Variants in TOP6BL observed in about 807,000 individuals in gnomAD.
TOP6BL encodes the protein type 2 DNA topoisomerase 6 subunit B-like.
the TOP6BL span, among the ~76,000 whole-genome samples, chr11:66,769,430 GA>G: frequency 2.0e-5 from 3 of 147,816 alleles, no homozygotes; most frequent in African/African-American, 7.5e-5. Flanking sequence ...CTAAGAAAGT[GA>G]AAAGATCAAT....
chr11:66,804,348 T>G, the TOP6BL span, among the ~76,000 whole-genome samples: 1 of 152,250 alleles, frequency 6.6e-6, no homozygotes, highest in African/African-American at 2.4e-5. Flanking sequence ...TTGAAAATTT[T>G]GCCAGGGAAC....
the TOP6BL span, among the ~76,000 whole-genome samples, chr11:66,749,842 G>T: frequency 6.6e-6 from 1 of 152,002 alleles, no homozygotes; most frequent in Admixed American, 6.6e-5. Flanking sequence ...CCTCCCAAAG[G>T]GCTGGGATTA....
the TOP6BL span, among the ~76,000 whole-genome samples, chr11:66,841,965 C>T: frequency 1.3e-5 from 2 of 152,274 alleles, no homozygotes; most frequent in African/African-American, 4.8e-5. Context: ...GTAATACCGT[C>T]ACTTTGGGGA....
At chr11:66,748,871 CAAAAAA>C in the TOP6BL span, among the ~76,000 whole-genome samples, 1 of 56,228 alleles carries the variant, frequency 1.8e-5, no homozygotes, top group African/African-American at 6.3e-5. Context: ...TTGGCAGTAG[CAAAAAA>C]AAAAAAAAAA....
chr11:66,837,590 G>T, the TOP6BL span, among the ~76,000 whole-genome samples: 1 of 151,720 alleles, frequency 6.6e-6, no homozygotes, highest in South Asian at 2.1e-4. Flanking sequence ...GATTACAGGA[G>T]CCCACCACCA....
At chr11:66,822,265 C>CTT in the TOP6BL span, among the ~76,000 whole-genome samples, 2 of 144,786 alleles carry the variant, frequency 1.4e-5, no homozygotes, top group Non-Finnish European at 3.0e-5. Flanking sequence ...GAACTAAAAG[C>CTT]TTTTTTTTTT....
the TOP6BL span, among the ~76,000 whole-genome samples, chr11:66,789,067 G>A: frequency 7.2e-5 from 11 of 152,160 alleles, no homozygotes; most frequent in Non-Finnish European, 1.6e-4. Context: ...TTCAGCATAT[G>A]GATTTTGAGG....
chr11:66,773,176 C>T, the TOP6BL span, among the ~76,000 whole-genome samples: 1 of 152,016 alleles, frequency 6.6e-6, no homozygotes, highest in Non-Finnish European at 1.5e-5. Flanking sequence ...CTCAAGCGAT[C>T]CTCTTGCCTC....
chr11:66,791,487 C>G, the TOP6BL span, among the ~76,000 whole-genome samples: 1 of 152,014 alleles, frequency 6.6e-6, no homozygotes, highest in African/African-American at 2.4e-5. Flanking sequence ...ATCTGTACTT[C>G]TGTGTGTATG....
At chr11:66,806,157 C>T in the TOP6BL span, among the ~76,000 whole-genome samples, 1 of 152,006 alleles carries the variant, frequency 6.6e-6, no homozygotes, top group Non-Finnish European at 1.5e-5. Flanking sequence ...TCGTGTAGTG[C>T]TGTGTTTAGA....
the TOP6BL span, among the ~76,000 whole-genome samples, chr11:66,830,425 C>G: frequency 2.0e-5 from 3 of 151,922 alleles, no homozygotes; most frequent in Non-Finnish European, 4.4e-5. Context: ...GGGGAAAATG[C>G]CTGTGTTAGA....
chr11:66,769,559 C>CT, the TOP6BL span, among the ~76,000 whole-genome samples: 2 of 151,320 alleles, frequency 1.3e-5, no homozygotes, highest in African/African-American at 4.8e-5. Flanking sequence ...ACATATAGAA[C>CT]TTATACAACA....
At chr11:66,825,880 C>T in the TOP6BL span, among the ~76,000 whole-genome samples, 4 of 150,778 alleles carry the variant, frequency 2.7e-5, no homozygotes, top group African/African-American at 4.9e-5. Flanking sequence ...CTCGCTCTGT[C>T]GCCCAGGCTG....
the TOP6BL span, among the ~76,000 whole-genome samples, chr11:66,819,894 A>G: frequency 7.9e-6 from 1 of 126,186 alleles, no homozygotes; most frequent in South Asian, 2.8e-4. Context: ...CAAGAGCAAA[A>G]CTCTTGTCTT....
At chr11:66,783,703 T>C in the TOP6BL span, among the ~76,000 whole-genome samples, 1 of 152,216 alleles carries the variant, frequency 6.6e-6, no homozygotes, top group African/African-American at 2.4e-5. Context: ...TCTCAGTCAT[T>C]ATTTCTTCTG....
the TOP6BL span, among the ~76,000 whole-genome samples, chr11:66,782,641 T>G: frequency 6.6e-6 from 1 of 152,144 alleles, no homozygotes; most frequent in Non-Finnish European, 1.5e-5. Context: ...CTGGTGAGTT[T>G]CCCTTCTCTC....
the TOP6BL span, among the ~76,000 whole-genome samples, chr11:66,787,260 G>A: frequency 7.9e-5 from 12 of 152,136 alleles, no homozygotes; most frequent in South Asian, 2.1e-4. Context: ...TCTTGGGAAT[G>A]TGCACACTTT....
chr11:66,840,944 C>A, the TOP6BL span, among the ~76,000 whole-genome samples: 1 of 152,156 alleles, frequency 6.6e-6, no homozygotes, highest in African/African-American at 2.4e-5. Context: ...GCCAAGGCCT[C>A]TGCTGAGTGC....
chr11:66,779,363 A>C, the TOP6BL span, among the ~76,000 whole-genome samples: 1 of 152,232 alleles, frequency 6.6e-6, no homozygotes, highest in Non-Finnish European at 1.5e-5. Flanking sequence ...ATGAACAGAC[A>C]CTTCTCAAAA....
Sources: gnomAD v4.1 joint callset for allele counts (sites outside exome capture counted in the v4.1 genomes callset) on GRCh38, gnomAD v4.1.1 for gene constraint, MANE v1.5 for transcripts, NCBI Gene and HGNC (gene_info 2026-07-23, HGNC 2026-07-21) for gene names.